PRR16: variants seen among roughly 807,000 people sequenced by gnomAD.
The protein encoded by PRR16 is protein Largen.
A neutral mutation model predicts 18.2 loss-of-function variants in PRR16; 6 were observed. The ratio of observed to expected loss-of-function variants is 0.33; its 90% CI spans 0.18 to 0.65. The LOEUF (loss-of-function observed/expected upper bound fraction) is 0.65, where lower values mean the gene tolerates loss of function less well. Ranked by LOEUF, PRR16 falls within the 30% of genes least tolerant of loss-of-function variation. PRR16 has a pLI of 0.74. For missense variants in PRR16, 412 were observed against 376.6 expected (o/e 1.09, Z -0.78); for synonymous variants, 151 against 147.8 (o/e 1.02, Z -0.16).
chr5:120,756,664 T>G, the PRR16 span, among the ~76,000 whole-genome samples: 2 of 152,088 alleles, frequency 1.3e-5, no homozygotes, highest in East Asian at 3.9e-4. Flanking sequence ...ATTGTTTAAG[T>G]TCCTTATGAA....
intron 1 of PRR16, among the ~76,000 whole-genome samples, chr5:120,497,821 ATT>A: frequency 6.6e-6 from 1 of 151,420 alleles, no homozygotes; most frequent in South Asian, 2.1e-4. Flanking sequence ...CATTATATAT[ATT>A]TTTTTATTTG....
At chr5:120,794,239 G>A in the PRR16 span, among the ~76,000 whole-genome samples, 5 of 152,198 alleles carry the variant, frequency 3.3e-5, no homozygotes, top group East Asian at 9.7e-4. Context: ...ATAAGAAAAA[G>A]AGGCTCAAAA....
intron 1 of PRR16, chr5:120,531,397 C>CCCTG (rs1472954441): frequency 6.6e-6 from 1 of 152,098 alleles, no homozygotes; most frequent in African/African-American, 2.4e-5. Flanking sequence ...TTCTTCCACA[C>CCCTG]CCTGCAAAGC....
intron 1 of PRR16, among the ~76,000 whole-genome samples, chr5:120,592,756 G>A (rs557620837): frequency 6.6e-6 from 1 of 152,126 alleles, no homozygotes; most frequent in East Asian, 1.9e-4. Context: ...TTAATTCATA[G>A]GGTATGTAGA....
intron 1 of PRR16, among the ~76,000 whole-genome samples, chr5:120,514,012 C>T (rs1750910942): frequency 6.6e-6 from 1 of 152,138 alleles, no homozygotes; most frequent in Non-Finnish European, 1.5e-5. Context: ...CCCACCTCGG[C>T]CTCCCAAAGT....
At chr5:120,773,048 T>C in the PRR16 span, among the ~76,000 whole-genome samples, 60 of 152,240 alleles carry the variant, frequency 3.9e-4, no homozygotes, top group African/African-American at 1.4e-3. Flanking sequence ...TGCTATAGCA[T>C]GTGTCTACTT....
chr5:120,525,056 A>G (rs1446937373), intron 1 of PRR16, among the ~76,000 whole-genome samples: 2 of 152,052 alleles, frequency 1.3e-5, no homozygotes, highest in Non-Finnish European at 2.9e-5. Flanking sequence ...AATATTTGCC[A>G]TGATAACCTC....
At chr5:120,586,171 CA>C (rs34272640) in intron 1 of PRR16, among the ~76,000 whole-genome samples, 94 of 140,590 alleles carry the variant, frequency 6.7e-4, no homozygotes, top group East Asian at 1.1e-3. Context: ...GACTCCATCT[CA>C]AAAAAAAAAA....
chr5:120,778,048 T>C, the PRR16 span, among the ~76,000 whole-genome samples: 1 of 152,152 alleles, frequency 6.6e-6, no homozygotes, highest in African/African-American at 2.4e-5. Flanking sequence ...TTAATAACAC[T>C]ATGTTATTAA....
intron 1 of PRR16, among the ~76,000 whole-genome samples, chr5:120,559,543 G>T (rs970045239): frequency 2.0e-5 from 3 of 151,840 alleles, no homozygotes; most frequent in African/African-American, 7.3e-5. Flanking sequence ...GTACCATACT[G>T]TTTGGTCACT....
chr5:120,466,363 T>C (rs1203776874), intron 1 of PRR16, among the ~76,000 whole-genome samples: 2 of 152,210 alleles, frequency 1.3e-5, no homozygotes, highest in Non-Finnish European at 2.9e-5. Context: ...GAGGTTTCTA[T>C]GGGCGATGTG....
At chr5:120,661,795 C>G (rs1041943507) in intron 1 of PRR16, among the ~76,000 whole-genome samples, 1 of 152,054 alleles carries the variant, frequency 6.6e-6, no homozygotes, top group African/African-American at 2.4e-5. Flanking sequence ...CTACAGTACC[C>G]AAGACCCTGG....
At chr5:120,687,693 C>G (rs1036543112), downstream of PRR16, among the ~76,000 whole-genome samples, 1 of 152,180 alleles carries the variant, frequency 6.6e-6, no homozygotes, top group African/African-American at 2.4e-5. Flanking sequence ...CTGAATGCTT[C>G]TGGTATCAGG....
rs758608238 is a variant in PRR16, at chr5:120,674,259, C to T, written c.160-11695C>T. On this transcript the variant is annotated intron_variant, in intron 1 of 1. Coordinates refer to ENST00000407149, the MANE Select transcript of PRR16 (RefSeq NM_001300783.2). ...ATGCTGTTGTCTCTGCCCCCCTGCC[C>T]GCCCTCCAAAAAAGGCTGGGTTAAA... Among the ~76,000 whole-genome samples the T allele has an allele frequency of 2.2e-4, 34 of 152,054 alleles. 1 individual carries two copies. The highest frequency in any genetic ancestry group is 3.5e-4 in the Non-Finnish European group (24 of 68,006).
At chr5:120,706,173 T>C in the PRR16 span, among the ~76,000 whole-genome samples, 1 of 152,146 alleles carries the variant, frequency 6.6e-6, no homozygotes, top group Admixed American at 6.5e-5. Flanking sequence ...GAGAGCTACT[T>C]GAAAGAAGGG....
the PRR16 span, among the ~76,000 whole-genome samples, chr5:120,735,044 A>ATATC: frequency 6.6e-6 from 1 of 152,330 alleles, no homozygotes; most frequent in Admixed American, 6.5e-5. Context: ...AGCTTATGAT[A>ATATC]ACACCATGCT....
At chr5:120,535,187 A>G (rs1036204698) in intron 1 of PRR16, among the ~76,000 whole-genome samples, 1 of 151,938 alleles carries the variant, frequency 6.6e-6, no homozygotes, top group Non-Finnish European at 1.5e-5. Context: ...TTTGGCAATA[A>G]TTTATTTACT....
At chr5:120,732,380 G>A in the PRR16 span, among the ~76,000 whole-genome samples, 3 of 152,228 alleles carry the variant, frequency 2.0e-5, no homozygotes, top group East Asian at 5.8e-4. Context: ...GGGTATGGAT[G>A]CTGGTGCGGC....
the PRR16 span, among the ~76,000 whole-genome samples, chr5:120,747,373 C>T: frequency 6.6e-6 from 1 of 152,166 alleles, no homozygotes; most frequent in South Asian, 2.1e-4. Flanking sequence ...CCAACTTTTA[C>T]TCCTCTAAGA....
Sources: allele counts gnomAD v4.1 joint callset (sites outside exome capture counted in the v4.1 genomes callset), GRCh38; gene constraint gnomAD v4.1.1; transcripts MANE v1.5; gene names NCBI Gene and HGNC (gene_info 2026-07-23, HGNC 2026-07-21).